Variants in SORL1-AS1 observed in about 807,000 individuals in gnomAD.
The protein encoded by SORL1-AS1 is lncRNA 51 A.
Position 121,452,223 on chromosome 11 carries a change from C to T in SORL1-AS1, n.339+452G>A. The stretch of plus-strand genomic sequence containing the variant: ...GGCGGCCCGGAGCGGCGCGGGCGGC[C>T]TGGAGCCCCGGGAGCGGCGCGCGCG... On this transcript the variant is annotated intron_variant and non_coding_transcript_variant, in intron 1 of 1. Coordinates refer to ENST00000501964, the Ensembl canonical transcript of SORL1-AS1. This position sits in a 1 kb window ranked among gnomAD's most constrained non-coding sequence, Gnocchi z 5.3. 1.2e-6 allele frequency: 1 copy of T among 853,838 alleles called. No individual in the cohort carries two copies. The highest frequency in any genetic ancestry group is 1.5e-6 in the Non-Finnish European group (1 of 660,664). The allele number at this position is 853,838 out of a possible 1,614,324, so 52.9% of individuals were successfully genotyped here.
downstream of SORL1-AS1, among the ~76,000 whole-genome samples, chr11:121,444,072 A>ATGTG (rs956369934): frequency 2.0e-5 from 3 of 149,630 alleles, no homozygotes; most frequent in Middle Eastern, 3.2e-3. Context: ...TTGCTAAGAA[A>ATGTG]TGTGTGTGTG....
chr11:121,441,557 G>A, the SORL1-AS1 span, among the ~76,000 whole-genome samples: 1 of 128,664 alleles, frequency 7.8e-6, no homozygotes. Context: ...AAAAGAATAA[G>A]GCCTCTATTT....
At chr11:121,444,494 C>G (rs1486988777), downstream of SORL1-AS1, among the ~76,000 whole-genome samples, 1 of 152,122 alleles carries the variant, frequency 6.6e-6, no homozygotes, top group Non-Finnish European at 1.5e-5. Context: ...GGATATAAAC[C>G]CAGGTGAGTG....
Position 121,452,756 on chromosome 11 carries a change from A to C in SORL1-AS1, n.258T>G. 1 of 674,774 alleles carries C rather than the reference A, an allele frequency of 1.5e-6. No individual in the cohort carries two copies. Among genetic ancestry groups the C allele is most frequent in the Non-Finnish European group, 2.3e-6 (1 of 442,582 alleles). The allele number at this position is 674,774 out of a possible 1,614,324, so 41.8% of individuals were successfully genotyped here. A position where few individuals can be genotyped will look rare whatever the true frequency, so the allele number is the denominator to read the frequency against. On this transcript the variant is annotated non_coding_transcript_exon_variant, in exon 1 of 2. Transcript: ENST00000501964. This position sits in a 1 kb window ranked among gnomAD's most constrained non-coding sequence, Gnocchi z 5.3. ...CGGCTTGCATTTGTTTTTTTCCTTC[A>C]CGAGTACAACCGTCAGCACTTGAAT...
downstream of SORL1-AS1, among the ~76,000 whole-genome samples, chr11:121,445,785 T>C (rs115449010): frequency 5.7e-3 from 863 of 152,150 alleles, 8 homozygotes; most frequent in African/African-American, 0.019. Context: ...AAGACAGAAT[T>C]CTTTTTGTAT....
chr11:121,442,997 GA>G (rs1160398589), downstream of SORL1-AS1, among the ~76,000 whole-genome samples: 8,493 of 105,614 alleles, frequency 0.08, 285 homozygotes, highest in African/African-American at 0.12. Context: ...TCTCACAAAA[GA>G]AAAAAAAAAA....
At chr11:121,443,827 C>T (rs565539762), downstream of SORL1-AS1, among the ~76,000 whole-genome samples, 45 of 152,312 alleles carry the variant, frequency 3.0e-4, 1 homozygote, top group South Asian at 8.9e-3. Flanking sequence ...CTTGCTTGGA[C>T]AAGATGTAAG....
rs994704537 is a variant in SORL1-AS1 at position 121,450,121 on chromosome 11, C to G, written n.340-222G>C. Among the ~76,000 whole-genome samples, 2 of 152,204 alleles carry G rather than the reference C, an allele frequency of 1.3e-5. No individual in the cohort carries two copies. Among genetic ancestry groups the G allele is most frequent in the African/African-American group, 4.8e-5 (2 of 41,440 alleles). ...GGCAAACAGATGCCCATCTTCAAAT[C>G]CACACTTAGGAGACTCCTGTCTCTG... On this transcript the variant is annotated intron_variant and non_coding_transcript_variant, in intron 1 of 1. Coordinates refer to ENST00000501964, the Ensembl canonical transcript of SORL1-AS1. The surrounding 1 kb of genome is among the most constrained non-coding windows in gnomAD (Gnocchi z 5.2).
At chr11:121,446,941 T>C (rs1372423016), downstream of SORL1-AS1, among the ~76,000 whole-genome samples, 1 of 152,088 alleles carries the variant, frequency 6.6e-6, no homozygotes, top group Non-Finnish European at 1.5e-5. Flanking sequence ...GCCTAACGCA[T>C]GCATCCCCAG....
downstream of SORL1-AS1, among the ~76,000 whole-genome samples, chr11:121,445,316 G>C (rs533915562): frequency 3.3e-5 from 5 of 152,298 alleles, no homozygotes; most frequent in South Asian, 1.0e-3. Flanking sequence ...AGCAGGAGAT[G>C]GGCAAAAGTG....
chr11:121,445,702 C>A (rs1860713511), downstream of SORL1-AS1, among the ~76,000 whole-genome samples: 2 of 152,084 alleles, frequency 1.3e-5, no homozygotes, highest in Admixed American at 1.3e-4. Flanking sequence ...GAAACCACAG[C>A]TCATAACGTC....
At chr11:121,448,886 G>GT (rs1706574518) in exon 2 of SORL1-AS1, 1 of 152,228 alleles carries the variant, frequency 6.6e-6, no homozygotes. Context: ...CCTAGCCTAG[G>GT]TGCCTAAGGA....
chr11:121,449,013 T>C (rs918266512), exon 2 of SORL1-AS1: 1 of 152,138 alleles, frequency 6.6e-6, no homozygotes, highest in Non-Finnish European at 1.5e-5. Flanking sequence ...GGGGAGTTTT[T>C]TCCTCTTCGT....
In SORL1-AS1 at chr11:121,452,345, G is replaced by A. The variant is rs771534455; in HGVS notation, n.339+330C>T. 11 of 1,552,000 alleles carry A rather than the reference G, an allele frequency of 7.1e-6. No individual in the cohort carries two copies. The Admixed American group carries it at 2.1e-4, about 29-fold the overall frequency. On this transcript the variant is annotated intron_variant and non_coding_transcript_variant, in intron 1 of 1. Transcript: ENST00000501964. The surrounding 1 kb of genome is among the most constrained non-coding windows in gnomAD (Gnocchi z 5.3). ...GTTCGCCCGAACATGGCGACACGGAGCAGCAGGAGGGAGTCGCGACTCCCG... is the reference window on the plus strand; with the variant it reads ...GTTCGCCCGAACATGGCGACACGGAACAGCAGGAGGGAGTCGCGACTCCCG...
At chr11:121,445,510 C>T (rs1860710650), downstream of SORL1-AS1, among the ~76,000 whole-genome samples, 1 of 152,174 alleles carries the variant, frequency 6.6e-6, no homozygotes, top group South Asian at 2.1e-4. Context: ...CATTGGCCTT[C>T]CCAGCCTCCC....
chr11:121,447,933 A>C (rs1860743876), exon 2 of SORL1-AS1: 2 of 152,218 alleles, frequency 1.3e-5, no homozygotes, highest in Admixed American at 6.5e-5. Context: ...CAGGACTTGA[A>C]ATACCAGCTC....
the SORL1-AS1 span, among the ~76,000 whole-genome samples, chr11:121,440,835 A>T: frequency 6.6e-6 from 1 of 152,208 alleles, no homozygotes; most frequent in Non-Finnish European, 1.5e-5. Context: ...CCATGAAAGT[A>T]GACAGTCTTC....
chr11:121,444,128 AAGAG>A (rs150739171), downstream of SORL1-AS1, among the ~76,000 whole-genome samples: 3,704 of 151,830 alleles, frequency 0.024, 64 homozygotes, highest in African/African-American at 0.04. Context: ...GTCAGAGAGA[AAGAG>A]AGAGAGAAAC....
the SORL1-AS1 span, among the ~76,000 whole-genome samples, chr11:121,441,440 A>G: frequency 6.7e-6 from 1 of 148,740 alleles, no homozygotes; most frequent in Non-Finnish European, 1.5e-5. Context: ...CTGAGGCAGG[A>G]GAATGGTGAG....
Sources: allele counts gnomAD v4.1 joint callset (sites outside exome capture counted in the v4.1 genomes callset), GRCh38; gene constraint gnomAD v4.1.1; non-coding constraint Gnocchi (gnomAD v3.1); transcripts MANE v1.5; gene names NCBI Gene and HGNC (gene_info 2026-07-23, HGNC 2026-07-21).